The following SEZ6L variants were observed in gnomAD, a reference collection of about 807,000 sequenced individuals.
SEZ6L encodes the protein seizure 6-like protein.
SEZ6L carries 37 observed loss-of-function variants against 106.2 expected under a neutral mutation model. That is an observed-to-expected ratio of 0.35 (90% CI 0.27 to 0.46). SEZ6L has a LOEUF of 0.46. SEZ6L is among the 20% of genes least tolerant of loss of function. The probability of loss-of-function intolerance (pLI) is 1.00; values close to 1 mark genes in which losing one functional copy is unlikely to be tolerated. For missense variants in SEZ6L, 1,172 were observed against 1,332.8 expected (o/e 0.88, Z 1.88); for synonymous variants, 541 against 570.4 (o/e 0.95, Z 0.73).
chr22:26,368,582 G>T (rs1172597911), intron 13 of SEZ6L, among the ~76,000 whole-genome samples: 6 of 152,176 alleles, frequency 3.9e-5, no homozygotes, highest in Non-Finnish European at 8.8e-5. Context: ...AGTCGTGGTT[G>T]TCTAGGGACT....
At chr22:26,310,916 A>T in intron 7 of SEZ6L, 80 bp downstream of exon 7, 1 of 1,429,818 alleles carries the variant, frequency 7.0e-7, no homozygotes, top group Non-Finnish European at 9.6e-7. Flanking sequence ...GGAGATAGAA[A>T]TCTGGGCTGC....
chr22:26,364,585 G>C (rs2083744600), intron 12 of SEZ6L, among the ~76,000 whole-genome samples: 1 of 152,140 alleles, frequency 6.6e-6, no homozygotes. Flanking sequence ...TAGGCTACCG[G>C]GTACTTTGTG....
intron 1 of SEZ6L, among the ~76,000 whole-genome samples, chr22:26,257,563 A>G (rs1027284115): frequency 1.3e-5 from 2 of 152,204 alleles, no homozygotes; most frequent in Non-Finnish European, 2.9e-5. Flanking sequence ...GCTCCCAATA[A>G]TCAAAGGCAT....
chr22:26,273,177 C>T lies in SEZ6L; in HGVS notation c.95-19229C>T, dbSNP rs373373119. Among the ~76,000 whole-genome samples, 8 of 152,344 alleles carry T rather than the reference C, an allele frequency of 5.3e-5. No individual in the cohort carries two copies. The East Asian group carries it at 5.8e-4, about 11-fold the overall frequency. On this transcript the variant is annotated intron_variant, in intron 1 of 16. Coordinates refer to ENST00000248933, the MANE Select transcript of SEZ6L (RefSeq NM_021115.5). ...CCCTTTCTCTGTGTCACAAGCCCCA[C>T]GTGTGCTTAGCCAACCTTGGCAGAG... is the stretch of plus-strand genomic sequence containing the variant.
At chr22:26,288,589 C>A (rs1438652395) in intron 1 of SEZ6L, among the ~76,000 whole-genome samples, 1 of 152,152 alleles carries the variant, frequency 6.6e-6, no homozygotes, top group Admixed American at 6.5e-5. Flanking sequence ...TGCTGTGTGA[C>A]CTCAAAAAGT....
chr22:26,291,902 G>T (rs1244238351), intron 1 of SEZ6L, among the ~76,000 whole-genome samples: 1 of 152,070 alleles, frequency 6.6e-6, no homozygotes, highest in South Asian at 2.1e-4. Context: ...AGGCAGTGAG[G>T]CCCCTGTGCT....
intron 10 of SEZ6L, among the ~76,000 whole-genome samples, chr22:26,344,028 T>C (rs1183867759): frequency 2.0e-5 from 3 of 152,190 alleles, no homozygotes; most frequent in Non-Finnish European, 2.9e-5. Flanking sequence ...GATTTTACCA[T>C]ACATGGGAGT....
chr22:26,285,786 G>A (rs1028312234), intron 1 of SEZ6L, among the ~76,000 whole-genome samples: 1 of 152,178 alleles, frequency 6.6e-6, no homozygotes, highest in African/African-American at 2.4e-5. Context: ...AGATGTTCCT[G>A]GCTTTGTTTT....
At chr22:26,208,616 G>T (rs1355937560) in intron 1 of SEZ6L, among the ~76,000 whole-genome samples, 1 of 152,020 alleles carries the variant, frequency 6.6e-6, no homozygotes, top group African/African-American at 2.4e-5. Flanking sequence ...TCCTGTATAT[G>T]ATATGTTTGT....
rs71192914 is a variant in SEZ6L, at chr22:26,338,867, C to CTTTTTTTTTTTT, written c.2016-1563_2016-1552dup. Among the ~76,000 whole-genome samples, 179 of 87,466 alleles carry CTTTTTTTTTTTT rather than the reference C, an allele frequency of 2.0e-3. 1 individual carries two copies. Among genetic ancestry groups the CTTTTTTTTTTTT allele is most frequent in the Non-Finnish European group, 2.3e-3 (114 of 49,622 alleles). The allele number at this position is 87,466 out of a possible 152,430, so 57.4% of individuals were successfully genotyped here. On this transcript the variant is annotated intron_variant, in intron 9 of 16. Transcript: ENST00000248933. ...CACCACGCCCGGACTTTTTTTTTTT[C>CTTTTTTTTTTTT]TTTTTTTTTTTTTTTTTGTAGAGAC...
At chr22:26,243,770 A>C (rs2079220822) in intron 1 of SEZ6L, among the ~76,000 whole-genome samples, 1 of 152,180 alleles carries the variant, frequency 6.6e-6, no homozygotes, top group African/African-American at 2.4e-5. Flanking sequence ...CTCTAAGTTC[A>C]TCAAAGCACC....
At chr22:26,296,510 T>C (rs2081304692) in intron 3 of SEZ6L, among the ~76,000 whole-genome samples, 1 of 152,124 alleles carries the variant, frequency 6.6e-6, no homozygotes, top group Non-Finnish European at 1.5e-5. Context: ...TCCCTGGAGA[T>C]TGGATCTCAA....
chr22:26,348,495 G>C (rs1469430909), intron 11 of SEZ6L, among the ~76,000 whole-genome samples: 1 of 125,556 alleles, frequency 8.0e-6, no homozygotes, highest in Non-Finnish European at 1.6e-5. Context: ...CCTGTTGAGA[G>C]GGGTGGCTGG....
chr22:26,231,757 G>A (rs75530436), intron 1 of SEZ6L, among the ~76,000 whole-genome samples: 3,770 of 152,312 alleles, frequency 0.025, 162 homozygotes, highest in African/African-American at 0.086. Context: ...AGCATTCTGC[G>A]TTTCCTTGCC....
intron 9 of SEZ6L, among the ~76,000 whole-genome samples, chr22:26,333,746 T>A (rs765497381): frequency 6.6e-6 from 1 of 152,116 alleles, no homozygotes; most frequent in African/African-American, 2.4e-5. Context: ...AAGTAATGAC[T>A]GAGCTCCATA....
At chr22:26,325,024 G>A (rs1471564125) in intron 9 of SEZ6L, among the ~76,000 whole-genome samples, 2 of 152,160 alleles carry the variant, frequency 1.3e-5, no homozygotes, top group African/African-American at 2.4e-5. Flanking sequence ...CGTGGTCTAG[G>A]TGGGCATAGA....
chr22:26,245,965 G>A (rs759193916), intron 1 of SEZ6L, among the ~76,000 whole-genome samples: 3 of 152,212 alleles, frequency 2.0e-5, no homozygotes, highest in Non-Finnish European at 2.9e-5. Context: ...TAGTTAGAAC[G>A]TGAAACTCTA....
At chr22:26,308,852 C>T (rs1015254867) in intron 6 of SEZ6L, among the ~76,000 whole-genome samples, 3 of 152,170 alleles carry the variant, frequency 2.0e-5, no homozygotes, top group Non-Finnish European at 4.4e-5. Flanking sequence ...TCCTCCAGAG[C>T]AACCCTCTTT....
chr22:26,367,865 T>C (rs778272003), intron 13 of SEZ6L, among the ~76,000 whole-genome samples: 5 of 152,188 alleles, frequency 3.3e-5, no homozygotes, highest in Admixed American at 6.5e-5. Context: ...TTACACATTA[T>C]TGCTTTAAGC....
Sources: allele counts gnomAD v4.1 joint callset (sites outside exome capture counted in the v4.1 genomes callset), GRCh38; gene constraint gnomAD v4.1.1; transcripts MANE v1.5; gene names NCBI Gene and HGNC (gene_info 2026-07-23, HGNC 2026-07-21).